Variants in CPLANE1 observed in about 807,000 individuals in gnomAD.
CPLANE1 encodes the protein ciliogenesis and planar polarity effector complex subunit 1.
In CPLANE1, 263 loss-of-function variants were observed where a neutral mutation model predicts 362.5. The observed-to-expected ratio is 0.73, with a 90% CI of 0.66 to 0.80. CPLANE1 has a LOEUF of 0.80. CPLANE1 is among the 30% of genes least tolerant of loss of function. CPLANE1 has a pLI of 0.00. For missense variants in CPLANE1, 3,461 were observed against 3,793.4 expected (o/e 0.91, Z 2.30); for synonymous variants, 1,212 against 1,302.6 (o/e 0.93, Z 1.50).
intron 51 of CPLANE1, among the ~76,000 whole-genome samples, chr5:37,112,940 T>C (rs1759771785): frequency 6.6e-6 from 1 of 152,152 alleles, no homozygotes; most frequent in South Asian, 2.1e-4. Flanking sequence ...AACAAAACAA[T>C]ATAACGGTAC....
intron 44 of CPLANE1, chr5:37,141,593 T>G: frequency 1.0e-6 from 1 of 960,094 alleles, no homozygotes; most frequent in African/African-American, 1.8e-5. Flanking sequence ...GCATTTTTAC[T>G]GTTTATATCA....
intron 5 of CPLANE1, 78 bp downstream of exon 5, chr5:37,244,297 G>T: frequency 6.4e-6 from 5 of 777,766 alleles, no homozygotes; most frequent in South Asian, 4.2e-5. Flanking sequence ...AAAATTTATG[G>T]TGACTAAAGA....
Position 37,226,519 on chromosome 5 carries a change from G to T in CPLANE1, c.2076C>A (p.Leu692=). Residue 692 remains leucine (L), a synonymous_variant, in exon 12 of 53, where the codon CTC becomes CTA. Coordinates refer to ENST00000651892, the MANE Select transcript of CPLANE1 (RefSeq NM_001384732.1). ...SEKLLACFYL[L]KMVADNLNGV... is the part of the protein sequence containing the mutation. ...CATTTAAATTGTCAGCTACCATTTTGAGTAAATAAAAACAAGCTAAAAGTT... is the reference window on the plus strand; with the variant it reads ...CATTTAAATTGTCAGCTACCATTTTTAGTAAATAAAAACAAGCTAAAAGTT... 1 of 1,548,116 alleles carries T rather than the reference G, an allele frequency of 6.5e-7. No homozygotes were observed. Among genetic ancestry groups the T allele is most frequent in the South Asian group, 1.2e-5 (1 of 83,202 alleles).
intron 2 of CPLANE1, among the ~76,000 whole-genome samples, chr5:37,247,057 T>C (rs1244657544): frequency 6.6e-6 from 1 of 152,242 alleles, no homozygotes; most frequent in East Asian, 1.9e-4. Context: ...GGGGAGTTAG[T>C]GGTATAATTT....
rs748827460 is a variant in CPLANE1 at position 37,187,488 on chromosome 5, GAGAGAAAGGC to G, written c.3996_4005del (p.Pro1333GlyfsTer12). Reference sequence around the variant, plus strand: ...ATAAGTTCTTCCATATTAAAAAACCGAGAGAAAGGCAGCATTCTATAAGCCCATTCCACTG... The same window carrying G: ...ATAAGTTCTTCCATATTAAAAAACCGAGCATTCTATAAGCCCATTCCACTG... On this transcript the variant is annotated frameshift_variant, in exon 23 of 53. Transcript: ENST00000651892. 6.2e-7 allele frequency: 1 copy of G among 1,613,442 alleles called. No individual in the cohort carries two copies. The highest frequency in any genetic ancestry group is 8.5e-7 in the Non-Finnish European group (1 of 1,179,618).
Position 37,170,454 on chromosome 5 carries a change from T to C in CPLANE1, c.6172-123A>G. 5 of 1,071,004 alleles carry C rather than the reference T, an allele frequency of 4.7e-6. No homozygotes were observed. The South Asian group carries it at 6.8e-5, about 14-fold the overall frequency. 66.3% of individuals were successfully genotyped at this position (1,071,004 alleles called of 1,614,324 possible). ...TTTGTCTTAATATCTATGAGAATCA[T>C]GAATGCTGAGCAGGAGGCAGTCAGG... On this transcript the variant is annotated intron_variant, in intron 32 of 52. Coordinates refer to ENST00000651892, the MANE Select transcript of CPLANE1 (RefSeq NM_001384732.1).
intron 51 of CPLANE1, 31 bp downstream of exon 51, chr5:37,114,929 G>T: frequency 7.1e-6 from 9 of 1,270,946 alleles, no homozygotes; most frequent in East Asian, 2.3e-5. Context: ...TCAGTATTAA[G>T]TCTAAAAACT....
At chr5:37,204,751 A>AT (rs1323345737) in intron 18 of CPLANE1, among the ~76,000 whole-genome samples, 1 of 151,706 alleles carries the variant, frequency 6.6e-6, no homozygotes, top group African/African-American at 2.4e-5. Flanking sequence ...TAATATTTAA[A>AT]AAAAAAAAAA....
chr5:37,107,846 A>C, intron 52 of CPLANE1, 68 bp from the exon 53 acceptor site: 1 of 1,461,298 alleles, frequency 6.8e-7, no homozygotes, highest in Non-Finnish European at 9.1e-7. Context: ...AAACAAAAAA[A>C]CCTGGAACGT....
At chr5:37,118,117 A>G (rs1227293661) in intron 50 of CPLANE1, among the ~76,000 whole-genome samples, 1 of 152,178 alleles carries the variant, frequency 6.6e-6, no homozygotes, top group Admixed American at 6.5e-5. Context: ...AGAGCTGGTC[A>G]GGCATGATAG....
At position 37,183,581 on chromosome 5, in the gene CPLANE1, T is replaced by C; in HGVS notation, c.4600A>G (p.Thr1534Ala). Residue 1534 changes from threonine to alanine, a missense_variant, in exon 26 of 53, where the codon ACA becomes GCA. By Grantham distance (58) the Thr-to-Ala change is moderately conservative. This residue lies in a region of CPLANE1 where 3,380 missense variants were observed against 3,666.1 expected (regional missense o/e 0.92). Transcript: ENST00000651892. ...TCCCAAACACCTATTACAGGAAGTG[T>C]ATTTTGTGATAACTTTTCATGATCT... Reference protein sequence around the residue: ...KEDHEKLSQNTLPVIGVWEFE... With the variant: ...KEDHEKLSQNALPVIGVWEFE... 6.2e-7 allele frequency: 1 copy of C among 1,612,414 alleles called. No individual in the cohort carries two copies. The highest frequency in any genetic ancestry group is 8.5e-7 in the Non-Finnish European group (1 of 1,178,836).
intron 33 of CPLANE1, 52 bp from the exon 34 acceptor site, chr5:37,169,613 T>C (rs778077171): frequency 6.8e-7 from 1 of 1,466,586 alleles, no homozygotes; most frequent in East Asian, 2.3e-5. Context: ...AGAAATTCCT[T>C]CCTTTGTAAA....
chr5:37,239,160 C>G (rs976879960), intron 7 of CPLANE1, among the ~76,000 whole-genome samples, 200 bp from the exon 8 acceptor site: 2 of 152,172 alleles, frequency 1.3e-5, no homozygotes, highest in Non-Finnish European at 2.9e-5. Flanking sequence ...CCACAATGCT[C>G]TTCTTTCCTC....
downstream of CPLANE1, among the ~76,000 whole-genome samples, chr5:37,104,092 C>T (rs1246594351): frequency 6.6e-6 from 1 of 152,072 alleles, no homozygotes; most frequent in East Asian, 1.9e-4. Flanking sequence ...TTTTTGTCTG[C>T]ATGTTTTATT....
intron 40 of CPLANE1, 108 bp downstream of exon 40, chr5:37,157,562 A>T: frequency 8.7e-7 from 1 of 1,149,226 alleles, no homozygotes; most frequent in East Asian, 2.5e-5. Flanking sequence ...AACATCCAAA[A>T]ATACAGTGGG....
At chr5:37,225,999 A>G (rs1420675194) in intron 12 of CPLANE1, among the ~76,000 whole-genome samples, 1 of 152,102 alleles carries the variant, frequency 6.6e-6, no homozygotes, top group Non-Finnish European at 1.5e-5. Context: ...TGGCAAACTA[A>G]AAGTGTATAC....
At chr5:37,201,991 T>G (rs1353783478) in intron 18 of CPLANE1, among the ~76,000 whole-genome samples, 183 bp from the exon 19 acceptor site, 1 of 152,154 alleles carries the variant, frequency 6.6e-6, no homozygotes, top group African/African-American at 2.4e-5. Context: ...AGATTATAGG[T>G]AAGACCATGA....
chr5:37,247,939 A>G (rs1213252273), intron 1 of CPLANE1, 194 bp from the exon 2 acceptor site: 1 of 360,768 alleles, frequency 2.8e-6, no homozygotes, highest in Non-Finnish European at 5.0e-6. Context: ...CTGGGACTAC[A>G]AGCGTGTGCC....
At chr5:37,248,366 G>T (rs1303132895) in intron 1 of CPLANE1, among the ~76,000 whole-genome samples, 5 of 152,082 alleles carry the variant, frequency 3.3e-5, no homozygotes, top group Non-Finnish European at 7.4e-5. Flanking sequence ...CTGACCTTGG[G>T]TGATCCGCCC....
Sources: allele counts gnomAD v4.1 joint callset (sites outside exome capture counted in the v4.1 genomes callset), GRCh38; gene constraint gnomAD v4.1.1; regional missense constraint gnomAD v4.1.1; transcripts MANE v1.5; gene names NCBI Gene and HGNC (gene_info 2026-07-23, HGNC 2026-07-21).